ERG: variants seen among roughly 807,000 people sequenced by gnomAD.
ERG encodes transcriptional regulator ERG.
ERG carries 9 observed loss-of-function variants against 55.3 expected under a neutral mutation model. The ratio of observed to expected loss-of-function variants is 0.16; its 90% CI spans 0.10 to 0.28. ERG has a LOEUF of 0.28. Among genes scored for constraint, ERG ranks in the 10% least tolerant of loss-of-function variants. ERG has a pLI of 1.00. For synonymous variants in ERG, 223 were observed against 237.3 expected, an observed-to-expected ratio of 0.94 and a Z score of 0.55; for missense variants, 434 against 631.6, an observed-to-expected ratio of 0.69 and a Z score of 3.35.
At chr21:38,627,873 T>A (rs1411990178) in intron 1 of ERG, among the ~76,000 whole-genome samples, 2 of 151,976 alleles carry the variant, frequency 1.3e-5, no homozygotes, top group Non-Finnish European at 2.9e-5. Context: ...CATAGAAGAG[T>A]CTGGGAATAT....
chr21:38,543,857 C>G, intron 2 of ERG, among the ~76,000 whole-genome samples: 1 of 152,018 alleles, frequency 6.6e-6, no homozygotes, highest in South Asian at 2.1e-4. Context: ...CTGCCTCAGC[C>G]TCCCAAGTAG....
intron 1 of ERG, among the ~76,000 whole-genome samples, chr21:38,626,457 C>T (rs1213049817): frequency 6.6e-6 from 1 of 152,092 alleles, no homozygotes; most frequent in Admixed American, 6.5e-5. Flanking sequence ...CTCAGTGCTC[C>T]AGTTCCTCTA....
chr21:38,385,028 T>G (rs1249635358), intron 9 of ERG, among the ~76,000 whole-genome samples: 1 of 152,210 alleles, frequency 6.6e-6, no homozygotes, highest in Non-Finnish European at 1.5e-5. Flanking sequence ...AGACTCTTCC[T>G]TTGTCAAAGA....
rs117763671 is a variant in ERG at position 38,465,179 on chromosome 21, T to C, written c.19-19558A>G. 6.4e-4 allele frequency among the ~76,000 whole-genome samples: 98 copies of C among 152,318 alleles called. 1 individual carries two copies. The East Asian group carries it at 0.016, about 25-fold the overall frequency. On this transcript the variant is annotated intron_variant, in intron 1 of 9. Transcript: ENST00000288319. The stretch of plus-strand genomic sequence containing the variant: ...TGTCTGTAATTGTGTTTCTGAAGTG[T>C]TCTATGTAAGTAGGTTTTTGTTAGT...
chr21:38,608,062 G>A (rs1484059498), intron 1 of ERG, among the ~76,000 whole-genome samples: 2 of 152,114 alleles, frequency 1.3e-5, no homozygotes, highest in Admixed American at 6.5e-5. Flanking sequence ...AAAATAAGTT[G>A]ACAGTAACAA....
intron 2 of ERG, among the ~76,000 whole-genome samples, chr21:38,541,897 T>C (rs966998160): frequency 4.4e-5 from 6 of 137,778 alleles, no homozygotes; most frequent in African/African-American, 1.6e-4. Flanking sequence ...ATCCGGCACA[T>C]ATATCCTGGA....
rs993438511 is a variant in ERG at position 38,444,044 on chromosome 21, G to A, written c.236+1360C>T. Among the ~76,000 whole-genome samples the A allele has an allele frequency of 1.2e-4, 19 of 152,318 alleles. 1 individual carries two copies. The highest frequency in any genetic ancestry group is 8.3e-4 in the South Asian group (4 of 4,830). On this transcript the variant is annotated intron_variant, in intron 2 of 9. Coordinates refer to ENST00000288319, the MANE Select transcript of ERG (RefSeq NM_182918.4). ...CATCTCCCATCTCCCCATCTGGCACGTCCAGCCTTGCCGTTGACATTCCCT... is the reference window on the plus strand; with the variant it reads ...CATCTCCCATCTCCCCATCTGGCACATCCAGCCTTGCCGTTGACATTCCCT...
chr21:38,636,717 G>C (rs1338359523), intron 1 of ERG, among the ~76,000 whole-genome samples: 2 of 152,046 alleles, frequency 1.3e-5, no homozygotes, highest in Admixed American at 6.6e-5. Flanking sequence ...AGCTCTGCAG[G>C]ATGTCACCCA....
intron 1 of ERG, among the ~76,000 whole-genome samples, chr21:38,597,425 GATTT>G (rs774973729): frequency 8.6e-4 from 130 of 150,958 alleles, no homozygotes; most frequent in Non-Finnish European, 8.6e-4. Context: ...GGTGTAATAA[GATTT>G]ATTTTAAGGA....
At chr21:38,425,415 GAGAGAGAGAA>G (rs1385726751) in intron 2 of ERG, among the ~76,000 whole-genome samples, 2 of 151,866 alleles carry the variant, frequency 1.3e-5, no homozygotes, top group African/African-American at 4.8e-5. Context: ...AAGAAAGAAA[GAGAGAGAGAA>G]AGAGAGAGAA....
intron 3 of ERG, among the ~76,000 whole-genome samples, chr21:38,423,060 TTCTC>T (rs1425370327): frequency 1.3e-5 from 2 of 149,218 alleles, no homozygotes; most frequent in Admixed American, 6.7e-5. Context: ...GACATCCTCT[TTCTC>T]TCTGTCTCTC....
intron 3 of ERG, among the ~76,000 whole-genome samples, chr21:38,408,596 G>A (rs1034887782): frequency 5.9e-5 from 9 of 152,158 alleles, no homozygotes; most frequent in Admixed American, 5.9e-4. Flanking sequence ...TAGAGTTCAG[G>A]TCAGTGCACT....
chr21:38,476,479 C>T (rs947783785), intron 1 of ERG, among the ~76,000 whole-genome samples: 1 of 152,204 alleles, frequency 6.6e-6, no homozygotes, highest in African/African-American at 2.4e-5. Context: ...CATTAATATC[C>T]CAGAGTAATC....
chr21:38,620,371 G>A (rs887457650), intron 1 of ERG, among the ~76,000 whole-genome samples: 3 of 152,114 alleles, frequency 2.0e-5, no homozygotes, highest in Non-Finnish European at 4.4e-5. Context: ...CATGTATGAC[G>A]GCCAAACCTG....
At chr21:38,588,417 G>A (rs1273918922), upstream of ERG, among the ~76,000 whole-genome samples, 3 of 152,164 alleles carry the variant, frequency 2.0e-5, no homozygotes, top group Non-Finnish European at 4.4e-5. Flanking sequence ...TTCTGTATGG[G>A]GAGGTAGAAG....
chr21:38,428,988 C>T (rs1989976563), intron 2 of ERG, among the ~76,000 whole-genome samples: 1 of 152,048 alleles, frequency 6.6e-6, no homozygotes, highest in South Asian at 2.1e-4. Flanking sequence ...CACCCATCAC[C>T]CAAGCAGTAA....
At chr21:38,372,958 A>G in the ERG span, among the ~76,000 whole-genome samples, 281 of 152,284 alleles carry the variant, frequency 1.8e-3, 1 homozygote, top group African/African-American at 6.5e-3. Context: ...ATTGGTGAGA[A>G]TTTTGAATAT....
chr21:38,635,933 C>T (rs1225826019), intron 1 of ERG, among the ~76,000 whole-genome samples: 1 of 152,128 alleles, frequency 6.6e-6, no homozygotes, highest in Non-Finnish European at 1.5e-5. Flanking sequence ...CTCTATTTTC[C>T]CATACAAGAT....
At chr21:38,456,272 T>C (rs1400425127) in intron 1 of ERG, among the ~76,000 whole-genome samples, 1 of 152,176 alleles carries the variant, frequency 6.6e-6, no homozygotes, top group Non-Finnish European at 1.5e-5. Flanking sequence ...CCCCAGACTT[T>C]AATTTTCCTC....
Sources: gnomAD v4.1 joint callset for allele counts (sites outside exome capture counted in the v4.1 genomes callset) on GRCh38, gnomAD v4.1.1 for gene constraint, MANE v1.5 for transcripts, NCBI Gene and HGNC (gene_info 2026-07-23, HGNC 2026-07-21) for gene names.